The following B4GALT1 variants were observed in gnomAD, a reference collection of about 807,000 sequenced individuals.
B4GALT1 encodes the protein N-acetyllactosamine synthase.
In B4GALT1, 16 loss-of-function variants were observed where a neutral mutation model predicts 34.9. The observed-to-expected ratio is 0.46, with a 90% CI of 0.31 to 0.70. B4GALT1 has a LOEUF of 0.70. Among genes scored for constraint, B4GALT1 ranks in the 30% least tolerant of loss-of-function variants. B4GALT1 has a pLI of 0.05. For missense variants in B4GALT1, 445 were observed against 530.5 expected, an observed-to-expected ratio of 0.84 and a Z score of 1.58; for synonymous variants, 221 against 218.1, an observed-to-expected ratio of 1.01 and a Z score of -0.12.
chr9:33,150,722 G>T (rs1840504628), intron 1 of B4GALT1, among the ~76,000 whole-genome samples: 1 of 152,116 alleles, frequency 6.6e-6, no homozygotes, highest in African/African-American at 2.4e-5. Flanking sequence ...CAATTTTATT[G>T]TAGGTTAATC....
At chr9:33,166,482 G>C (rs1350748708) in intron 1 of B4GALT1, among the ~76,000 whole-genome samples, 4 of 152,228 alleles carry the variant, frequency 2.6e-5, no homozygotes, top group Admixed American at 1.3e-4. Context: ...CAGCAGGGAA[G>C]TCTCCAAGGC....
At chr9:33,142,069 G>A (rs937516557) in intron 1 of B4GALT1, among the ~76,000 whole-genome samples, 23 of 151,934 alleles carry the variant, frequency 1.5e-4, no homozygotes, top group African/African-American at 5.3e-4. Context: ...TACAACCTCC[G>A]CCTCCTGGGT....
Position 33,124,023 on chromosome 9 carries a change from G to A in B4GALT1, c.649-3417C>T, listed in dbSNP as rs1840058948. Among the ~76,000 whole-genome samples, 4 of 152,194 alleles carry A rather than the reference G, an allele frequency of 2.6e-5. No individual in the cohort carries two copies. In the South Asian group the frequency reaches 8.3e-4, roughly 32 times the overall value. ...ATGCAGTGAGACGGAAGGGCATGGT[G>A]CACTTTAGCAGGTGCTATCATCTAT... On this transcript the variant is annotated intron_variant, in intron 2 of 5. Transcript: ENST00000379731.
At chr9:33,179,251 G>C in the B4GALT1 span, 1 of 152,240 alleles carries the variant, frequency 6.6e-6, no homozygotes, top group Non-Finnish European at 1.5e-5. Context: ...TTTTTCTGGA[G>C]CTAGAATGGT....
At chr9:33,157,083 C>CAA in intron 1 of B4GALT1, among the ~76,000 whole-genome samples, 1 of 142,160 alleles carries the variant, frequency 7.0e-6, no homozygotes, top group Non-Finnish European at 1.5e-5. Context: ...CACACACACA[C>CAA]ACACACACAC....
At position 33,166,758 on chromosome 9, in the gene B4GALT1, C is replaced by A; in HGVS notation, c.412G>T (p.Val138Leu). ...PACPEESPLLVGPMLIEFNMP... is the reference protein window; with the variant it reads ...PACPEESPLLLGPMLIEFNMP... ...GACTGGCGCCGACCCGAGTCCTTAC[C>A]AAGCAGCGGGGACTCCTCAGGGCAG... The change falls in exon 1 of 6, where the codon GTG becomes TTG. Residue 138 changes from valine (V) to leucine (L), a missense_variant and splice_region_variant. Val to Leu is a conservative substitution (Grantham distance 32, BLOSUM62 1). Transcript: ENST00000379731. 1 of 1,504,644 alleles carries A rather than the reference C, an allele frequency of 6.6e-7. No individual in the cohort carries two copies. 93.2% of individuals were successfully genotyped at this position (1,504,644 alleles called of 1,614,324 possible). A position where few individuals can be genotyped will look rare whatever the true frequency, so the allele number is the denominator to read the frequency against.
At chr9:33,113,736 C>A (rs772414870) in intron 5 of B4GALT1, 38 bp downstream of exon 5, 1 of 1,612,752 alleles carries the variant, frequency 6.2e-7, no homozygotes, top group Non-Finnish European at 8.5e-7. Flanking sequence ...CTACCTCATC[C>A]TAAAGGGGGA....
chr9:33,127,594 G>C (rs182375928), intron 2 of B4GALT1, among the ~76,000 whole-genome samples: 23 of 152,290 alleles, frequency 1.5e-4, no homozygotes, highest in East Asian at 1.2e-3. Context: ...ACTCCAAGAT[G>C]TTCATTATGG....
chr9:33,120,202 A>G (rs1234094010), intron 3 of B4GALT1, among the ~76,000 whole-genome samples: 1 of 152,076 alleles, frequency 6.6e-6, no homozygotes, highest in East Asian at 1.9e-4. Context: ...AACAAAAAAA[A>G]AAAAGGGGGG....
intron 1 of B4GALT1, among the ~76,000 whole-genome samples, chr9:33,154,861 C>G (rs1432718736): frequency 6.6e-6 from 1 of 151,940 alleles, no homozygotes; most frequent in African/African-American, 2.4e-5. Context: ...ACCTCATCGG[C>G]TATAATTAGT....
chr9:33,174,713 T>C, the B4GALT1 span, among the ~76,000 whole-genome samples: 7 of 150,004 alleles, frequency 4.7e-5, no homozygotes, highest in Admixed American at 4.7e-4. Flanking sequence ...TCCCAACACT[T>C]TGGGAGGCCA....
intron 2 of B4GALT1, among the ~76,000 whole-genome samples, chr9:33,131,953 A>G (rs370699627): frequency 6.6e-6 from 1 of 152,306 alleles, no homozygotes. Flanking sequence ...CAACTTAGTT[A>G]TCTGGACTCT....
At chr9:33,179,803 A>G in the B4GALT1 span, 4 of 152,246 alleles carry the variant, frequency 2.6e-5, no homozygotes, top group African/African-American at 9.7e-5. Flanking sequence ...GATCTTTGGG[A>G]GCTTAGATAT....
chr9:33,131,645 G>A (rs757717346), intron 2 of B4GALT1, among the ~76,000 whole-genome samples: 13 of 152,124 alleles, frequency 8.5e-5, no homozygotes, highest in Non-Finnish European at 1.8e-4. Context: ...ATGACAGCAG[G>A]GTGTCTGGGC....
At chr9:33,181,460 A>ACACACACACACACACAC in the B4GALT1 span, among the ~76,000 whole-genome samples, 27 of 151,734 alleles carry the variant, frequency 1.8e-4, no homozygotes, top group East Asian at 3.9e-4. Flanking sequence ...ACACACACAC[A>ACACACACACACACACAC]AACTATTCTT....
chr9:33,106,381 C>G (rs1297469528), downstream of B4GALT1, among the ~76,000 whole-genome samples: 1 of 152,196 alleles, frequency 6.6e-6, no homozygotes, highest in Admixed American at 6.5e-5. Flanking sequence ...CTCCTGGGAG[C>G]TGAGCAGAGG....
the B4GALT1 span, among the ~76,000 whole-genome samples, chr9:33,177,203 A>G: frequency 4.6e-5 from 7 of 152,146 alleles, no homozygotes; most frequent in African/African-American, 1.7e-4. Flanking sequence ...CGGCAAGTTC[A>G]ATTATTTTCT....
rs201417912 is a variant in B4GALT1 at position 33,120,498 on chromosome 9, G to C, written c.757C>G (p.Pro253Ala). Residue 253 changes from proline (P) to alanine (A), a missense_variant, in exon 3 of 6, where the codon CCA becomes GCA. Pro to Ala is a conservative substitution (Grantham distance 27, BLOSUM62 -1). Transcript: ENST00000379731. ...CTGTACGCATTATGGTCATTCATTG[G>C]AATGAGGTCCACGTCACTAAACACA... ...CFVFSDVDLI[P>A]MNDHNAYRCF... 113 of 1,614,070 alleles carry C rather than the reference G, an allele frequency of 7.0e-5. No individual in the cohort carries two copies. The highest frequency in any genetic ancestry group is 1.2e-5 in the Non-Finnish European group (14 of 1,180,050).
chr9:33,121,791 T>C (rs1486553248), intron 2 of B4GALT1, among the ~76,000 whole-genome samples: 1 of 152,140 alleles, frequency 6.6e-6, no homozygotes, highest in African/African-American at 2.4e-5. Flanking sequence ...GCTGAATGAA[T>C]GAATGAATGA....
Sources: gnomAD v4.1 joint callset for allele counts (sites outside exome capture counted in the v4.1 genomes callset) on GRCh38, gnomAD v4.1.1 for gene constraint, MANE v1.5 for transcripts, NCBI Gene and HGNC (gene_info 2026-07-23, HGNC 2026-07-21) for gene names.